The following TMEM40 variants were observed in gnomAD, a reference collection of about 807,000 sequenced individuals.
TMEM40 encodes transmembrane protein 40.
Under a neutral mutation model 40.8 loss-of-function variants are expected in TMEM40, and 34 were observed. The ratio of observed to expected loss-of-function variants is 0.83; its 90% CI spans 0.63 to 1.11. TMEM40 has a LOEUF of 1.11. Among genes scored for constraint, TMEM40 ranks in the 50% least tolerant of loss-of-function variants. The pLI is 0.00. For missense variants in TMEM40, 296 were observed against 280.2 expected (o/e 1.06, Z -0.40); for synonymous variants, 106 against 107.0 (o/e 0.99, Z 0.06).
intron 1 of TMEM40, among the ~76,000 whole-genome samples, chr3:12,765,253 A>G (rs1303411349): frequency 6.6e-6 from 1 of 152,214 alleles, no homozygotes; most frequent in Non-Finnish European, 1.5e-5. Context: ...GTACTCAACA[A>G]TCTTATTGTT....
At chr3:12,766,282 T>C (rs11712581) in intron 1 of TMEM40, among the ~76,000 whole-genome samples, 58,473 of 151,804 alleles carry the variant, frequency 0.39, 12,188 homozygotes, top group Non-Finnish European at 0.48. Flanking sequence ...GGGTCTATTA[T>C]GAATAAAACT....
intron 1 of TMEM40, among the ~76,000 whole-genome samples, chr3:12,754,274 T>C (rs193143559): frequency 4.6e-5 from 7 of 152,168 alleles, no homozygotes; most frequent in Admixed American, 4.6e-4. Context: ...ACCGCACCAC[T>C]GCACTCCAGC....
At chr3:12,748,612 C>A (rs2061447019) in intron 3 of TMEM40, 43 bp downstream of exon 3, 3 of 1,577,182 alleles carry the variant, frequency 1.9e-6, no homozygotes, top group South Asian at 1.1e-5. Flanking sequence ...CCATGTAAAT[C>A]TTTTTCTTGA....
chr3:12,765,714 C>T (rs921129242), intron 1 of TMEM40, among the ~76,000 whole-genome samples: 3 of 151,740 alleles, frequency 2.0e-5, no homozygotes, highest in African/African-American at 4.8e-5. Flanking sequence ...GGACTACAGG[C>T]GCCTGCCACC....
At chr3:12,755,213 T>TTCTTTCTTTCTTTCTCTCTCTCTC (rs1553634015) in intron 1 of TMEM40, among the ~76,000 whole-genome samples, 1 of 94,264 alleles carries the variant, frequency 1.1e-5, no homozygotes, top group Admixed American at 1.1e-4. Context: ...CTTTCTTTCT[T>TTCTTTCTTTCTTTCTCTCTCTCTC]TCTCTCTCTC....
At chr3:12,766,880 G>C (rs959663363) in intron 1 of TMEM40, among the ~76,000 whole-genome samples, 1 of 151,990 alleles carries the variant, frequency 6.6e-6, no homozygotes, top group African/African-American at 2.4e-5. Context: ...CCTGACCCTC[G>C]GCCTAGTGAT....
chr3:12,760,251 T>C (rs1369071361), upstream of TMEM40, among the ~76,000 whole-genome samples: 1 of 151,290 alleles, frequency 6.6e-6, no homozygotes, highest in Non-Finnish European at 1.5e-5. Context: ...AGCCAGGGGG[T>C]CCTGTTCAAA....
intron 1 of TMEM40, among the ~76,000 whole-genome samples, chr3:12,755,430 G>A (rs766458650): frequency 4.0e-5 from 6 of 151,642 alleles, no homozygotes; most frequent in South Asian, 2.1e-4. Flanking sequence ...TCCAAAGTGT[G>A]CTGAGCCACT....
chr3:12,739,609 C>G (rs971373185), intron 5 of TMEM40, among the ~76,000 whole-genome samples: 1 of 150,768 alleles, frequency 6.6e-6, no homozygotes, highest in African/African-American at 2.4e-5. Flanking sequence ...TTAATAGAGA[C>G]AGGGTCTTAT....
chr3:12,744,262 G>A (rs2061408938), intron 3 of TMEM40, among the ~76,000 whole-genome samples: 1 of 152,124 alleles, frequency 6.6e-6, no homozygotes, highest in Admixed American at 6.6e-5. Flanking sequence ...GATAAGATAA[G>A]GTCCCATGAG....
chr3:12,736,463 A>T (rs911801245), intron 10 of TMEM40, 115 bp downstream of exon 10: 10 of 1,356,670 alleles, frequency 7.4e-6, no homozygotes, highest in African/African-American at 4.4e-5. Flanking sequence ...AAATTTTTTT[A>T]AAAGTGTAGA....
chr3:12,755,233 CTCTTTCTTTCTTTCTTTCTT>C (rs749104547), intron 1 of TMEM40, among the ~76,000 whole-genome samples: 48 of 59,958 alleles, frequency 8.0e-4, no homozygotes, highest in African/African-American at 2.6e-3. Flanking sequence ...CTCTCTCTCT[CTCTTTCTTTCTTTCTTTCTT>C]TCTTTCTTTC....
intron 8 of TMEM40, 150 bp from the exon 9 acceptor site, chr3:12,736,985 TCTC>T: frequency 2.0e-6 from 2 of 1,009,702 alleles, no homozygotes; most frequent in Non-Finnish European, 3.1e-6. Flanking sequence ...CTTAAGCAAT[TCTC>T]CTGCTTTAGC....
upstream of TMEM40, among the ~76,000 whole-genome samples, chr3:12,760,583 G>A (rs2106623654): frequency 6.6e-6 from 1 of 152,126 alleles, no homozygotes; most frequent in East Asian, 1.9e-4. Context: ...AGCCTTATCT[G>A]ACCATCCTGC....
At chr3:12,736,695 T>C in intron 9 of TMEM40, 43 bp from the exon 10 acceptor site, 1 of 1,613,630 alleles carries the variant, frequency 6.2e-7, no homozygotes. Flanking sequence ...CTCCAGGTCT[T>C]GACGCCCCTG....
intron 6 of TMEM40, 117 bp from the exon 7 acceptor site, chr3:12,738,285 C>A: frequency 1.7e-6 from 2 of 1,196,844 alleles, no homozygotes; most frequent in Non-Finnish European, 2.4e-6. Context: ...AATTCTGCAG[C>A]CCCCACGGTA....
intron 5 of TMEM40, among the ~76,000 whole-genome samples, 163 bp downstream of exon 5, chr3:12,742,291 C>T (rs1254000445): frequency 1.3e-5 from 2 of 152,116 alleles, no homozygotes; most frequent in East Asian, 3.9e-4. Flanking sequence ...TCATGCCCGC[C>T]TCCCCACCTG....
chr3:12,765,731 A>G, intron 1 of TMEM40, among the ~76,000 whole-genome samples: 1 of 151,616 alleles, frequency 6.6e-6, no homozygotes, highest in South Asian at 2.1e-4. Flanking sequence ...CACCACGCCC[A>G]GCTAATTTTT....
intron 3 of TMEM40, among the ~76,000 whole-genome samples, chr3:12,747,807 A>G (rs1281039435): frequency 6.9e-6 from 1 of 145,690 alleles, no homozygotes; most frequent in Non-Finnish European, 1.5e-5. Context: ...GCTACTCGGG[A>G]GGCTGAGGCA....
Sources: allele counts gnomAD v4.1 joint callset (sites outside exome capture counted in the v4.1 genomes callset), GRCh38; gene constraint gnomAD v4.1.1; transcripts MANE v1.5; gene names NCBI Gene and HGNC (gene_info 2026-07-23, HGNC 2026-07-21).